Variants in UNC13C observed in about 807,000 individuals in gnomAD.
UNC13C encodes the protein unc-13 homolog C.
A neutral mutation model predicts 245.4 loss-of-function variants in UNC13C; 174 were observed. The ratio of observed to expected loss-of-function variants is 0.71; its 90% CI spans 0.63 to 0.80. The LOEUF (loss-of-function observed/expected upper bound fraction) is 0.80, where lower values mean the gene tolerates loss of function less well. Ranked by LOEUF, UNC13C falls within the 30% of genes least tolerant of loss-of-function variation. The pLI is 0.00. For synonymous variants in UNC13C, 992 were observed against 895.1 expected, an observed-to-expected ratio of 1.11 and a Z score of -1.93; for missense variants, 2,829 against 2,602.9, an observed-to-expected ratio of 1.09 and a Z score of -1.89.
chr15:54,612,325 T>G (rs938584012), intron 30 of UNC13C, among the ~76,000 whole-genome samples: 3 of 152,068 alleles, frequency 2.0e-5, no homozygotes, highest in Non-Finnish European at 4.4e-5. Flanking sequence ...ATTTTCCACA[T>G]GAACCAGTTA....
At chr15:53,984,844 A>G (rs1017827743) in intron 1 of UNC13C, among the ~76,000 whole-genome samples, 2 of 152,104 alleles carry the variant, frequency 1.3e-5, no homozygotes, top group Non-Finnish European at 2.9e-5. Context: ...CAGCACATTT[A>G]TGGCAAATTG....
At chr15:54,448,369 T>A (rs1890954615) in intron 19 of UNC13C, among the ~76,000 whole-genome samples, 1 of 152,210 alleles carries the variant, frequency 6.6e-6, no homozygotes, top group Non-Finnish European at 1.5e-5. Context: ...ATGTTGACTG[T>A]GGGGTGTTAA....
chr15:53,959,731 T>C, the UNC13C span, among the ~76,000 whole-genome samples: 1 of 152,154 alleles, frequency 6.6e-6, no homozygotes, highest in African/African-American at 2.4e-5. Flanking sequence ...AGATCCAAGC[T>C]ACAATATTAA....
chr15:54,149,046 C>G (rs537780861), intron 4 of UNC13C, among the ~76,000 whole-genome samples: 2 of 152,236 alleles, frequency 1.3e-5, no homozygotes, highest in South Asian at 2.1e-4. Context: ...AGGCTGTTCT[C>G]CTGCTAGGGA....
chr15:54,145,431 C>G (rs1314803763), intron 4 of UNC13C, among the ~76,000 whole-genome samples: 2 of 152,024 alleles, frequency 1.3e-5, no homozygotes, highest in African/African-American at 4.8e-5. Context: ...TCTGTTACAT[C>G]TCTAACTTTA....
intron 4 of UNC13C, among the ~76,000 whole-genome samples, chr15:54,172,386 C>T (rs529739902): frequency 6.6e-6 from 1 of 151,932 alleles, no homozygotes; most frequent in African/African-American, 2.4e-5. Flanking sequence ...TACACACCTA[C>T]TAGGTACACA....
At position 54,304,579 on chromosome 15, in the gene UNC13C, C is replaced by A. The variant is rs2037675171; in HGVS notation, c.4268+4206C>A. 9.3e-5 allele frequency among the ~76,000 whole-genome samples: 14 copies of A among 151,290 alleles called. No homozygotes were observed. The South Asian group carries it at 2.9e-3, about 32-fold the overall frequency. On this transcript the variant is annotated intron_variant, in intron 13 of 32. Coordinates refer to ENST00000260323, the MANE Select transcript of UNC13C (RefSeq NM_001080534.3). ...TGACCTAAACCCACAGGCCTCTGAC[C>A]TCCTTTCCCTTAGAGCATTTACTTT... is the stretch of plus-strand genomic sequence containing the variant.
chr15:54,490,749 A>G (rs1893663329), intron 19 of UNC13C, among the ~76,000 whole-genome samples: 1 of 152,066 alleles, frequency 6.6e-6, no homozygotes, highest in Non-Finnish European at 1.5e-5. Context: ...GAGACAGGAA[A>G]AAGCTCAAGG....
the UNC13C span, among the ~76,000 whole-genome samples, chr15:53,847,318 G>T: frequency 6.6e-6 from 1 of 151,692 alleles, no homozygotes; most frequent in African/African-American, 2.4e-5. Context: ...AAAAGAGAAA[G>T]GTTATAGAGT....
Position 54,463,265 on chromosome 15 carries a change from C to CGGGGGGGGGG in UNC13C, c.4934-31335_4934-31326dup, listed in dbSNP as rs559539986. 3.9e-3 allele frequency among the ~76,000 whole-genome samples: 101 copies of CGGGGGGGGGG among 26,212 alleles called. 1 individual carries two copies. Among genetic ancestry groups the CGGGGGGGGGG allele is most frequent in the African/African-American group, 5.9e-3 (17 of 2,896 alleles). The allele number at this position is 26,212 out of a possible 152,430, so 17.2% of individuals were successfully genotyped here. ...AATGGGCCAATCAGTAGAATGTGGG[C>CGGGGGGGGGG]GGGGGGGGGGGGGGGGGCCGGTCAG... is the stretch of plus-strand genomic sequence containing the variant. On this transcript the variant is annotated intron_variant, in intron 19 of 32. Coordinates refer to ENST00000260323, the MANE Select transcript of UNC13C (RefSeq NM_001080534.3).
At chr15:54,632,561 GTAAT>G (rs1330651219), downstream of UNC13C, 7 of 152,276 alleles carry the variant, frequency 4.6e-5, no homozygotes, top group Admixed American at 2.0e-4. Flanking sequence ...TTACAATTGA[GTAAT>G]TAATTAGAAA....
At chr15:53,894,013 C>A in the UNC13C span, among the ~76,000 whole-genome samples, 3 of 152,326 alleles carry the variant, frequency 2.0e-5, no homozygotes, top group Admixed American at 6.5e-5. Flanking sequence ...GTTGTGAAGA[C>A]CATGGGAAAA....
intron 2 of UNC13C, among the ~76,000 whole-genome samples, chr15:54,052,511 A>G (rs889672902): frequency 2.0e-4 from 31 of 152,220 alleles, no homozygotes; most frequent in African/African-American, 7.5e-4. Flanking sequence ...TCTGATGGCC[A>G]GACTTTAAAT....
chr15:54,388,832 T>A (rs1220549415), intron 17 of UNC13C, among the ~76,000 whole-genome samples: 1 of 152,192 alleles, frequency 6.6e-6, no homozygotes, highest in East Asian at 1.9e-4. Context: ...TACTGGAATT[T>A]TTTTTGATCT....
intron 2 of UNC13C, among the ~76,000 whole-genome samples, chr15:54,046,765 T>C (rs920614672): frequency 3.3e-5 from 5 of 151,898 alleles, no homozygotes; most frequent in African/African-American, 1.2e-4. Flanking sequence ...ACAGTACAAC[T>C]TATAAGTACA....
chr15:53,965,566 ATTT>A, the UNC13C span, among the ~76,000 whole-genome samples: 1 of 117,424 alleles, frequency 8.5e-6, no homozygotes. Context: ...TTATTTATTT[ATTT>A]ATTATTATTA....
At chr15:54,419,641 C>T (rs1212837699) in intron 19 of UNC13C, among the ~76,000 whole-genome samples, 1 of 152,046 alleles carries the variant, frequency 6.6e-6, no homozygotes, top group East Asian at 1.9e-4. Context: ...TGCCTGAACT[C>T]AAACTCTAAG....
the UNC13C span, among the ~76,000 whole-genome samples, chr15:53,897,343 T>G: frequency 6.6e-6 from 1 of 152,342 alleles, no homozygotes; most frequent in Non-Finnish European, 1.5e-5. Flanking sequence ...TCCAACCTCC[T>G]GATTACCAGC....
intron 2 of UNC13C, chr15:54,048,663 C>A (rs982051726): frequency 1.2e-5 from 4 of 346,632 alleles, no homozygotes; most frequent in Non-Finnish European, 2.3e-5. Context: ...TAGACAAGCT[C>A]ACATTGTTTG....
Sources: allele counts gnomAD v4.1 joint callset (sites outside exome capture counted in the v4.1 genomes callset), GRCh38; gene constraint gnomAD v4.1.1; transcripts MANE v1.5; gene names NCBI Gene and HGNC (gene_info 2026-07-23, HGNC 2026-07-21).